The following SREBF2 variants were observed in gnomAD, a reference collection of about 807,000 sequenced individuals.
The protein encoded by SREBF2 is sterol regulatory element-binding protein 2.
In SREBF2, 55 loss-of-function variants were observed where a neutral mutation model predicts 113.1. The observed-to-expected ratio is 0.49, with a 90% CI of 0.39 to 0.61. The LOEUF (loss-of-function observed/expected upper bound fraction) is 0.61, where lower values mean the gene tolerates loss of function less well. SREBF2 is among the 20% of genes least tolerant of loss of function. The pLI, the probability that SREBF2 is intolerant of heterozygous loss-of-function variation, is 0.00. For synonymous variants in SREBF2, 593 were observed against 605.7 expected (o/e 0.98, Z 0.31); for missense variants, 1,349 against 1,487.4 (o/e 0.91, Z 1.53).
chr22:41,875,689 T>G lies in SREBF2; in HGVS notation c.1351T>G (p.Ser451Ala). The change falls in exon 7 of 19, where the codon TCT becomes GCT. Residue 451 changes from serine (S) to alanine (A), a missense_variant. By Grantham distance (99) the Ser-to-Ala change is moderately conservative. Transcript: ENST00000361204. ...TGGCTTCTCTCCCTACTCCATTGAC[T>G]CTGAGCCAGGAAGCCCTCTATTGGA... is the stretch of plus-strand genomic sequence containing the variant. ...QAGFSPYSIDSEPGSPLLDDA... is the reference protein window; with the variant it reads ...QAGFSPYSIDAEPGSPLLDDA... 1.1e-5 allele frequency: 17 copies of G among 1,614,184 alleles called. No homozygotes were observed. The highest frequency in any genetic ancestry group is 1.4e-5 in the Non-Finnish European group (16 of 1,180,032).
chr22:41,879,137 A>AGG (rs1311891818), intron 9 of SREBF2, among the ~76,000 whole-genome samples: 1 of 152,228 alleles, frequency 6.6e-6, no homozygotes, highest in East Asian at 1.9e-4. Flanking sequence ...TTAGGATTAC[A>AGG]GGCATGAGCC....
rs1204947802 is a variant in SREBF2, at chr22:41,851,474, C to T, written c.89-15357C>T. 3.3e-5 allele frequency among the ~76,000 whole-genome samples: 5 copies of T among 151,314 alleles called. No individual in the cohort carries two copies. The South Asian group carries it at 6.3e-4, about 19-fold the overall frequency. On this transcript the variant is annotated intron_variant, in intron 1 of 18. Transcript: ENST00000361204. Reference sequence around the variant, plus strand: ...TCCTGGGCAACATAGTAAGGCCCTGCTTCTTTTAGTCTTTTTGTTTGTTTG... The same window carrying T: ...TCCTGGGCAACATAGTAAGGCCCTGTTTCTTTTAGTCTTTTTGTTTGTTTG...
chr22:41,885,672 TG>T, intron 11 of SREBF2: 3 of 160,364 alleles, frequency 1.9e-5, no homozygotes, highest in South Asian at 1.8e-4. Flanking sequence ...CACAACATGC[TG>T]ACCTCAGGCT....
chr22:41,898,833 T>G, intron 15 of SREBF2, 52 bp downstream of exon 15: 1 of 1,607,918 alleles, frequency 6.2e-7, no homozygotes, highest in Non-Finnish European at 8.5e-7. Context: ...GGAATCTTGT[T>G]TGAGTTAGCA....
intron 3 of SREBF2, among the ~76,000 whole-genome samples, chr22:41,869,228 C>T (rs2077115838): frequency 6.6e-6 from 1 of 152,084 alleles, no homozygotes; most frequent in Non-Finnish European, 1.5e-5. Flanking sequence ...CTTCAGCCTC[C>T]CGAGTAGCTG....
At chr22:41,844,027 A>AT (rs1569370657) in intron 1 of SREBF2, among the ~76,000 whole-genome samples, 1 of 45,910 alleles carries the variant, frequency 2.2e-5, no homozygotes, top group Non-Finnish European at 4.7e-5. Flanking sequence ...AAAAAAAAAA[A>AT]ATACATACAC....
intron 2 of SREBF2, among the ~76,000 whole-genome samples, chr22:41,868,306 T>C (rs1362104685): frequency 3.9e-5 from 6 of 152,226 alleles, no homozygotes; most frequent in Admixed American, 2.0e-4. Context: ...CCCAGGGAGT[T>C]GTTGATTCTC....
Position 41,905,674 on chromosome 22 carries a change from C to G in SREBF2, c.*14C>G. 2 of 1,559,776 alleles carry G rather than the reference C, an allele frequency of 1.3e-6. No individual in the cohort carries two copies. Among genetic ancestry groups the G allele is most frequent in the Non-Finnish European group, 1.7e-6 (2 of 1,151,666 alleles). On this transcript the variant is annotated 3_prime_UTR_variant, in exon 19 of 19. Transcript: ENST00000361204. ...GCCGCCTCCTGACCACCAGGCTCAGCCCACCCCTCCACCTCTCTCTCGATT... is the reference window on the plus strand; with the variant it reads ...GCCGCCTCCTGACCACCAGGCTCAGGCCACCCCTCCACCTCTCTCTCGATT...
intron 1 of SREBF2, among the ~76,000 whole-genome samples, chr22:41,857,848 A>G (rs1182694534): frequency 6.6e-6 from 1 of 151,984 alleles, no homozygotes; most frequent in African/African-American, 2.4e-5. Flanking sequence ...TTTGTTCCCT[A>G]TATTATTGCT....
chr22:41,841,693 AG>A (rs1296154975), intron 1 of SREBF2, among the ~76,000 whole-genome samples: 7 of 152,236 alleles, frequency 4.6e-5, no homozygotes, highest in Admixed American at 3.9e-4. Flanking sequence ...AATTAAAAAA[AG>A]GAAATTCTCA....
intron 17 of SREBF2, among the ~76,000 whole-genome samples, chr22:41,903,828 C>T (rs1258328496): frequency 1.3e-5 from 2 of 152,186 alleles, no homozygotes; most frequent in Non-Finnish European, 2.9e-5. Context: ...ATTCAGCCCC[C>T]ACACCCATCA....
chr22:41,864,983 T>C (rs958038237), intron 1 of SREBF2, among the ~76,000 whole-genome samples: 2 of 151,964 alleles, frequency 1.3e-5, no homozygotes, highest in African/African-American at 4.8e-5. Flanking sequence ...CTCGCTGTGT[T>C]GCCCAGGCTG....
chr22:41,868,858 TGTG>T, intron 3 of SREBF2, 66 bp downstream of exon 3: 2 of 1,547,218 alleles, frequency 1.3e-6, no homozygotes, highest in African/African-American at 1.4e-5. Flanking sequence ...TGGTTGAAGA[TGTG>T]GTCTACATAC....
rs563736622 is a variant in SREBF2, at chr22:41,881,713, G to T, written c.2038+721G>T. ...AGGCTGAGGATCTTGTAGTGTATCA[G>T]TAGGATTCAGTGAAGAGCATTAGGA... is the stretch of plus-strand genomic sequence containing the variant. On this transcript the variant is annotated intron_variant, in intron 10 of 18. Coordinates refer to ENST00000361204, the MANE Select transcript of SREBF2 (RefSeq NM_004599.4). 3.9e-5 allele frequency among the ~76,000 whole-genome samples: 6 copies of T among 152,300 alleles called. No individual in the cohort carries two copies. In the South Asian group the frequency reaches 1.0e-3, roughly 26 times the overall value.
chr22:41,881,095 T>G (rs1173188239), intron 10 of SREBF2, 103 bp downstream of exon 10: 2 of 1,451,424 alleles, frequency 1.4e-6, no homozygotes, highest in Non-Finnish European at 1.9e-6. Context: ...GAAGTCCCTT[T>G]AACGCTACTC....
At chr22:41,855,746 G>T (rs2076971342) in intron 1 of SREBF2, among the ~76,000 whole-genome samples, 1 of 150,436 alleles carries the variant, frequency 6.6e-6, no homozygotes, top group Non-Finnish European at 1.5e-5. Flanking sequence ...AGACAGTGCT[G>T]TAGTATAACT....
rs1602303311 is a variant in SREBF2 at position 41,867,347 on chromosome 22, T to C, written c.538+67T>C. On this transcript the variant is annotated intron_variant, in intron 2 of 18. Transcript: ENST00000361204. ...TGTTTATGTGCCAGTTTGCAGACAC[T>C]GTAAATATTTCTGTCGTCTTCAGGA... is the stretch of plus-strand genomic sequence containing the variant. The C allele has an allele frequency of 4.5e-6, 7 of 1,541,828 alleles. No individual in the cohort carries two copies. In the South Asian group the frequency reaches 7.9e-5, roughly 17 times the overall value.
At position 41,904,983 on chromosome 22, in the gene SREBF2, A is replaced by G. The variant is rs1301506978; in HGVS notation, c.3205+9A>G. The G allele has an allele frequency of 5.7e-6, 9 of 1,577,622 alleles. No individual in the cohort carries two copies. The highest frequency in any genetic ancestry group is 7.7e-6 in the Non-Finnish European group (9 of 1,167,374). The stretch of plus-strand genomic sequence containing the variant: ...GCAGAGCACCAAGCACGGTGAGTCC[A>G]CCCCTCCCCAGCTCACAGGCTGGGC... On this transcript the variant is annotated intron_variant, in intron 18 of 18. Coordinates refer to ENST00000361204, the MANE Select transcript of SREBF2 (RefSeq NM_004599.4).
intron 7 of SREBF2, among the ~76,000 whole-genome samples, chr22:41,876,009 C>T (rs1001000580): frequency 1.3e-5 from 2 of 152,154 alleles, no homozygotes; most frequent in African/African-American, 2.4e-5. Flanking sequence ...GTTGTGGGGG[C>T]GTTGGGAGCT....
Sources: allele counts gnomAD v4.1 joint callset (sites outside exome capture counted in the v4.1 genomes callset), GRCh38; gene constraint gnomAD v4.1.1; transcripts MANE v1.5; gene names NCBI Gene and HGNC (gene_info 2026-07-23, HGNC 2026-07-21).